Variants in KIAA1549 observed in about 807,000 individuals in gnomAD.
KIAA1549 encodes the protein KIAA1549.
Under a neutral mutation model 156.4 loss-of-function variants are expected in KIAA1549, and 70 were observed. The ratio of observed to expected loss-of-function variants is 0.45; its 90% CI spans 0.37 to 0.55. The LOEUF (loss-of-function observed/expected upper bound fraction) is 0.55. Among genes scored for constraint, KIAA1549 ranks in the 20% least tolerant of loss-of-function variants. KIAA1549 has a pLI of 0.00. For missense variants in KIAA1549, 2,428 were observed against 2,540.9 expected (o/e 0.96, Z 0.96); for synonymous variants, 1,103 against 1,066.4 (o/e 1.03, Z -0.67).
chr7:138,968,987 C>T (rs1814131184), intron 1 of KIAA1549, among the ~76,000 whole-genome samples: 1 of 151,274 alleles, frequency 6.6e-6, no homozygotes, highest in South Asian at 2.1e-4. Context: ...CACAGGTAAA[C>T]AGGTGTCACA....
At chr7:138,944,284 T>A (rs897605015) in intron 1 of KIAA1549, among the ~76,000 whole-genome samples, 3 of 152,106 alleles carry the variant, frequency 2.0e-5, no homozygotes, top group Admixed American at 1.3e-4. Flanking sequence ...AGCCACATAA[T>A]TGCCAAGAAG....
At position 138,832,707 on chromosome 7, in the gene KIAA1549, A is replaced by ATGC. The variant is rs1476867180; in HGVS notation, c.*5196_*5198dup. 1 of 218,010 alleles carries ATGC rather than the reference A, an allele frequency of 4.6e-6. No individual in the cohort carries two copies. Among genetic ancestry groups the ATGC allele is most frequent in the African/African-American group, 2.2e-5 (1 of 44,486 alleles). 13.5% of individuals were successfully genotyped at this position (218,010 alleles called of 1,614,324 possible). A position where few individuals can be genotyped will look rare whatever the true frequency, so the allele number is the denominator to read the frequency against. Reference sequence around the variant, plus strand: ...TTTAATATTCTTTTCCTAAATTTCAATGCTGCTGTGTTTTAAGATAAATTA... The same window carrying ATGC: ...TTTAATATTCTTTTCCTAAATTTCAATGCTGCTGCTGTGTTTTAAGATAAATTA... On this transcript the variant is annotated 3_prime_UTR_variant, in exon 20 of 20. Coordinates refer to ENST00000422774, the MANE Select transcript of KIAA1549 (RefSeq NM_001164665.2).
At chr7:138,852,406 G>A (rs1007951045) in intron 16 of KIAA1549, 137 bp from the exon 17 acceptor site, 15 of 607,912 alleles carry the variant, frequency 2.5e-5, no homozygotes, top group African/African-American at 9.5e-5. Context: ...GCATGTTACC[G>A]GGCACTCTGC....
At position 138,831,765 on chromosome 7, in the gene KIAA1549, A is replaced by C; in HGVS notation, c.*6141T>G. ...ATGGACCTTGACAAAGGAGGGAGAG[A>C]CAAGTCAGTACTCCAGGGCAGCTCT... On this transcript the variant is annotated 3_prime_UTR_variant, in exon 20 of 20. Transcript: ENST00000422774. 1 of 232,164 alleles carries C rather than the reference A, an allele frequency of 4.3e-6. No homozygotes were observed. The highest frequency in any genetic ancestry group is 5.6e-5 in the Admixed American group (1 of 17,764). The allele number at this position is 232,164 out of a possible 1,614,324, so 14.4% of individuals were successfully genotyped here.
chr7:138,854,407 A>G (rs1810322165), intron 16 of KIAA1549, among the ~76,000 whole-genome samples: 1 of 152,212 alleles, frequency 6.6e-6, no homozygotes, highest in Non-Finnish European at 1.5e-5. Flanking sequence ...CAGCAATACC[A>G]ACTATCACGT....
intron 10 of KIAA1549, among the ~76,000 whole-genome samples, chr7:138,888,603 C>T (rs1443747968): frequency 1.3e-5 from 2 of 152,134 alleles, no homozygotes; most frequent in African/African-American, 4.8e-5. Context: ...ATATTTTTTC[C>T]TTTTGTTGTA....
At chr7:138,839,932 C>T (rs1403489228) in intron 19 of KIAA1549, among the ~76,000 whole-genome samples, 5 of 151,540 alleles carry the variant, frequency 3.3e-5, no homozygotes, top group Non-Finnish European at 7.4e-5. Flanking sequence ...GGACTACCAG[C>T]ACCCGTCACC....
At chr7:138,905,288 C>T (rs367738086) in intron 6 of KIAA1549, among the ~76,000 whole-genome samples, 67 of 152,278 alleles carry the variant, frequency 4.4e-4, no homozygotes, top group African/African-American at 1.6e-3. Flanking sequence ...AAAGAAGGGC[C>T]GCTCCAGCTA....
At position 138,919,225 on chromosome 7, in the gene KIAA1549, T is replaced by C; in HGVS notation, c.401A>G (p.Asp134Gly). 6.2e-7 allele frequency: 1 copy of C among 1,614,026 alleles called. No individual in the cohort carries two copies. Among genetic ancestry groups the C allele is most frequent in the Non-Finnish European group, 8.5e-7 (1 of 1,179,900 alleles). ...NQGKQTKSTA[D>G]PSIFVATYVS... ...GTAAGTTGCCACAAAGATGCTGGGA[T>C]CTGCTGTACTTTTGGTCTGTTTTCC... Residue 134 changes from aspartate (D) to glycine (G), a missense_variant, in exon 2 of 20, where the codon GAT becomes GGT. Physicochemically the swap from Asp to Gly is moderately conservative, Grantham distance 94. Coordinates refer to ENST00000422774, the MANE Select transcript of KIAA1549 (RefSeq NM_001164665.2).
At chr7:138,974,889 T>C (rs1464461796) in intron 1 of KIAA1549, among the ~76,000 whole-genome samples, 2 of 151,734 alleles carry the variant, frequency 1.3e-5, no homozygotes, top group Non-Finnish European at 2.9e-5. Context: ...CTCTGGAGAT[T>C]TACATAGCTC....
chr7:138,892,456 G>A (rs1445389895), intron 10 of KIAA1549, among the ~76,000 whole-genome samples: 1 of 152,106 alleles, frequency 6.6e-6, no homozygotes, highest in Non-Finnish European at 1.5e-5. Flanking sequence ...ACCTATTGTT[G>A]ATCTTATTAC....
rs1813578651 is a variant in KIAA1549, at chr7:138,953,898, G to A, written c.187+27185C>T. On this transcript the variant is annotated intron_variant, in intron 1 of 19. Transcript: ENST00000422774. ...GAAATCGGGGTGAATCTAGTTATTG[G>A]TACGTACGGTTTAAATGGCAGTATT... 2.0e-5 allele frequency among the ~76,000 whole-genome samples: 3 copies of A among 152,212 alleles called. No individual in the cohort carries two copies. In the South Asian group the frequency reaches 6.2e-4, roughly 32 times the overall value.
intron 1 of KIAA1549, among the ~76,000 whole-genome samples, chr7:138,970,715 C>T (rs376287101): frequency 6.6e-5 from 10 of 152,180 alleles, no homozygotes; most frequent in Admixed American, 2.0e-4. Context: ...GCAGCAAGGA[C>T]CTGGCAACCT....
chr7:138,971,791 A>G (rs1438284057), intron 1 of KIAA1549, among the ~76,000 whole-genome samples: 1 of 152,158 alleles, frequency 6.6e-6, no homozygotes, highest in African/African-American at 2.4e-5. Context: ...AATATGTGGA[A>G]TATTCTGCAC....
intron 11 of KIAA1549, among the ~76,000 whole-genome samples, chr7:138,879,917 A>C (rs1811195943): frequency 6.6e-6 from 1 of 152,148 alleles, no homozygotes; most frequent in East Asian, 1.9e-4. Context: ...AGATAGGAGG[A>C]AGGTCCCACA....
chr7:138,977,490 C>T (rs1411061728), intron 1 of KIAA1549, among the ~76,000 whole-genome samples: 1 of 152,130 alleles, frequency 6.6e-6, no homozygotes. Flanking sequence ...GCTTCAAGGG[C>T]TTATGTCAGC....
intron 1 of KIAA1549, among the ~76,000 whole-genome samples, chr7:138,962,729 C>T: frequency 6.6e-6 from 1 of 152,178 alleles, no homozygotes. Flanking sequence ...CATCCGAGAC[C>T]TGTCCGAATT....
chr7:138,965,594 G>A (rs1813998733), intron 1 of KIAA1549, among the ~76,000 whole-genome samples: 1 of 152,180 alleles, frequency 6.6e-6, no homozygotes, highest in Non-Finnish European at 1.5e-5. Context: ...TAAAATCATG[G>A]TGTGGATCTG....
chr7:138,869,759 A>G lies in KIAA1549; in HGVS notation c.4554T>C (p.Ile1518=), dbSNP rs368931433. 22 of 1,607,966 alleles carry G rather than the reference A, an allele frequency of 1.4e-5. No homozygotes were observed. The African/African-American group carries it at 2.8e-4, about 20-fold the overall frequency. The change falls in exon 14 of 20, where the codon ATT becomes ATC. Residue 1518 remains isoleucine, a splice_region_variant and synonymous_variant. Coordinates refer to ENST00000422774, the MANE Select transcript of KIAA1549 (RefSeq NM_001164665.2). Reference sequence around the variant, plus strand: ...CAGACTTGTGCCGCAGCGCGGTCTGAATCTGAGGAAGGGTGAGGGAGAGAA... The same window carrying G: ...CAGACTTGTGCCGCAGCGCGGTCTGGATCTGAGGAAGGGTGAGGGAGAGAA... ...VAESNKINKE[I]QTALRHKSEI... is the part of the protein sequence containing the mutation.
Sources: allele counts gnomAD v4.1 joint callset (sites outside exome capture counted in the v4.1 genomes callset), GRCh38; gene constraint gnomAD v4.1.1; transcripts MANE v1.5; gene names NCBI Gene and HGNC (gene_info 2026-07-23, HGNC 2026-07-21).